The following PPARGC1B variants were observed in gnomAD, a reference collection of about 807,000 sequenced individuals.
The protein encoded by PPARGC1B is peroxisome proliferator-activated receptor gamma coactivator 1-beta.
A neutral mutation model predicts 101.6 loss-of-function variants in PPARGC1B; 34 were observed. That is an observed-to-expected ratio of 0.33 (90% CI 0.25 to 0.45). PPARGC1B has a LOEUF of 0.45. Among genes scored for constraint, PPARGC1B ranks in the 20% least tolerant of loss-of-function variants. PPARGC1B has a pLI of 1.00. For missense variants in PPARGC1B, 1,234 were observed against 1,317.6 expected, an observed-to-expected ratio of 0.94 and a Z score of 0.98; for synonymous variants, 548 against 539.3, an observed-to-expected ratio of 1.02 and a Z score of -0.22.
intron 1 of PPARGC1B, among the ~76,000 whole-genome samples, chr5:149,748,403 T>G (rs912055387): frequency 6.6e-6 from 1 of 152,136 alleles, no homozygotes; most frequent in African/African-American, 2.4e-5. Flanking sequence ...GTGCAGTGTG[T>G]CTGGGTGTTA....
chr5:149,820,096 A>C (rs1317253702), intron 1 of PPARGC1B, among the ~76,000 whole-genome samples: 2 of 152,168 alleles, frequency 1.3e-5, no homozygotes, highest in Non-Finnish European at 1.5e-5. Context: ...GTGGGGACAT[A>C]TGTGTAAAGG....
chr5:149,732,517 G>A (rs1314167411), intron 1 of PPARGC1B, among the ~76,000 whole-genome samples: 3 of 152,230 alleles, frequency 2.0e-5, no homozygotes, highest in Non-Finnish European at 4.4e-5. Flanking sequence ...TTCAACTAAG[G>A]AAACTAGAAA....
At chr5:149,755,930 C>T (rs1248877298) in intron 1 of PPARGC1B, among the ~76,000 whole-genome samples, 1 of 152,124 alleles carries the variant, frequency 6.6e-6, no homozygotes. Flanking sequence ...AGGGGTGAGC[C>T]GCCGTGCCCG....
chr5:149,819,316 T>C (rs1006548755), intron 1 of PPARGC1B, among the ~76,000 whole-genome samples: 2 of 152,214 alleles, frequency 1.3e-5, no homozygotes, highest in African/African-American at 2.4e-5. Flanking sequence ...CTATCCTACA[T>C]AGAGAAATAT....
intron 4 of PPARGC1B, among the ~76,000 whole-genome samples, chr5:149,831,739 C>T (rs951000090): frequency 2.0e-5 from 3 of 152,168 alleles, no homozygotes; most frequent in East Asian, 3.9e-4. Flanking sequence ...CCCAGCACAA[C>T]GATGAGTCAC....
At chr5:149,817,097 C>T (rs1426839694) in intron 1 of PPARGC1B, among the ~76,000 whole-genome samples, 1 of 152,200 alleles carries the variant, frequency 6.6e-6, no homozygotes, top group African/African-American at 2.4e-5. Flanking sequence ...GCTCAGTCCC[C>T]ACGGGGGTCT....
At chr5:149,756,188 G>A (rs1581017569) in intron 1 of PPARGC1B, among the ~76,000 whole-genome samples, 3 of 152,164 alleles carry the variant, frequency 2.0e-5, no homozygotes, top group Non-Finnish European at 4.4e-5. Context: ...TTGACAGGGT[G>A]TGGAGGCTCA....
rs775782258 is a variant in PPARGC1B at position 149,730,450 on chromosome 5, G to A, written c.78+30G>A. On this transcript the variant is annotated intron_variant, in intron 1 of 11. Coordinates refer to ENST00000309241, the MANE Select transcript of PPARGC1B (RefSeq NM_133263.4). This position sits in a 1 kb window ranked among gnomAD's most constrained non-coding sequence, Gnocchi z 4.0. The stretch of plus-strand genomic sequence containing the variant: ...GGCCGGCTGGGGCTGCGGGCCCGGG[G>A]CCAGGGGTGCTGAGCTGCGGGGGCC... 2 of 1,513,280 alleles carry A rather than the reference G, an allele frequency of 1.3e-6. No homozygotes were observed. Among genetic ancestry groups the A allele is most frequent in the Admixed American group, 4.2e-5 (2 of 47,918 alleles). The allele number at this position is 1,513,280 out of a possible 1,614,324, so 93.7% of individuals were successfully genotyped here.
At chr5:149,811,083 T>A (rs144037539) in intron 1 of PPARGC1B, among the ~76,000 whole-genome samples, 87 of 152,328 alleles carry the variant, frequency 5.7e-4, no homozygotes, top group Middle Eastern at 3.4e-3. Context: ...AACACATGCC[T>A]ACGTTGTCTT....
chr5:149,765,943 A>G (rs1755898497), intron 1 of PPARGC1B, among the ~76,000 whole-genome samples: 1 of 152,188 alleles, frequency 6.6e-6, no homozygotes. Flanking sequence ...TAGTGTATTT[A>G]AAGTACTTGA....
At chr5:149,783,468 T>G (rs990640816) in intron 1 of PPARGC1B, among the ~76,000 whole-genome samples, 4 of 152,176 alleles carry the variant, frequency 2.6e-5, no homozygotes, top group African/African-American at 9.7e-5. Flanking sequence ...AGGGATGTTT[T>G]GAGTACCAGA....
At chr5:149,769,117 G>A (rs531621632) in intron 1 of PPARGC1B, among the ~76,000 whole-genome samples, 61 of 152,316 alleles carry the variant, frequency 4.0e-4, no homozygotes, top group African/African-American at 1.3e-3. Flanking sequence ...TTCTAATAAG[G>A]AGTGAACAAT....
chr5:149,782,983 C>A (rs1756647296), intron 1 of PPARGC1B, among the ~76,000 whole-genome samples: 1 of 152,138 alleles, frequency 6.6e-6, no homozygotes, highest in Admixed American at 6.5e-5. Context: ...CCAGTGGGTC[C>A]AAGCTTGCAA....
chr5:149,798,334 G>A (rs1228215886), intron 1 of PPARGC1B, among the ~76,000 whole-genome samples: 2 of 152,172 alleles, frequency 1.3e-5, no homozygotes, highest in African/African-American at 4.8e-5. Context: ...ACACGCCCTT[G>A]TTTTTTTGTT....
chr5:149,785,206 C>T (rs1756755802), intron 1 of PPARGC1B, among the ~76,000 whole-genome samples: 1 of 152,206 alleles, frequency 6.6e-6, no homozygotes, highest in Admixed American at 6.5e-5. Flanking sequence ...CCAGTCCACA[C>T]AACAAGAGAT....
At chr5:149,828,953 G>T (rs76994147) in intron 3 of PPARGC1B, among the ~76,000 whole-genome samples, 13,564 of 151,856 alleles carry the variant, frequency 0.089, 732 homozygotes, top group Admixed American at 0.16. Flanking sequence ...CTGGAGGCTG[G>T]GGTAGGAGGA....
At chr5:149,757,183 A>G (rs1561855468) in intron 1 of PPARGC1B, among the ~76,000 whole-genome samples, 1 of 152,212 alleles carries the variant, frequency 6.6e-6, no homozygotes, top group Non-Finnish European at 1.5e-5. Flanking sequence ...AAGCTGGAGA[A>G]TCAGAAAGGA....
chr5:149,758,412 G>C (rs546753148), intron 1 of PPARGC1B, among the ~76,000 whole-genome samples: 2 of 152,224 alleles, frequency 1.3e-5, no homozygotes, highest in Non-Finnish European at 2.9e-5. Flanking sequence ...CATTCTCTTA[G>C]AGCTTAGAGT....
At chr5:149,739,946 C>G (rs1385493366) in intron 1 of PPARGC1B, 1 of 152,278 alleles carries the variant, frequency 6.6e-6, no homozygotes, top group Non-Finnish European at 1.5e-5. Flanking sequence ...TTGACAGGCT[C>G]TTGGTGGCAT....
Sources: gnomAD v4.1 joint callset for allele counts (sites outside exome capture counted in the v4.1 genomes callset) on GRCh38, gnomAD v4.1.1 for gene constraint, Gnocchi (gnomAD v3.1) non-coding constraint, MANE v1.5 for transcripts, NCBI Gene and HGNC (gene_info 2026-07-23, HGNC 2026-07-21) for gene names.